The following IGF2BP3 variants were observed in gnomAD, a reference collection of about 807,000 sequenced individuals.
IGF2BP3 encodes the protein insulin like growth factor 2 mRNA binding protein 3.
In IGF2BP3, 9 loss-of-function variants were observed where a neutral mutation model predicts 73.8. The ratio of observed to expected loss-of-function variants is 0.12; its 90% CI spans 0.07 to 0.21. The LOEUF is 0.21. Ranked by LOEUF, IGF2BP3 falls within the 10% of genes least tolerant of loss-of-function variation. The pLI is 1.00. For missense variants in IGF2BP3, 542 were observed against 714.0 expected (o/e 0.76, Z 2.75); for synonymous variants, 258 against 256.7 (o/e 1.01, Z -0.05).
chr7:23,366,537 C>A (rs1394917498), intron 3 of IGF2BP3, among the ~76,000 whole-genome samples: 30 of 143,746 alleles, frequency 2.1e-4, no homozygotes, highest in African/African-American at 7.7e-4. Context: ...ACAAGCATGG[C>A]TTTAAAACAA....
rs771673444 is a variant in IGF2BP3 at position 23,319,131 on chromosome 7, A to C, written c.1320+7T>G. On this transcript the variant is annotated splice_region_variant and intron_variant, in intron 11 of 14. Coordinates refer to ENST00000258729, the MANE Select transcript of IGF2BP3 (RefSeq NM_006547.3). ...GAACCAGAGAACCACAGCTGGTAGA[A>C]CAGTACCTTAATTGAAGCTCCAGCA... is the stretch of plus-strand genomic sequence containing the variant. 1 of 1,577,650 alleles carries C rather than the reference A, an allele frequency of 6.3e-7. No individual in the cohort carries two copies. Among genetic ancestry groups the C allele is most frequent in the South Asian group, 1.1e-5 (1 of 89,430 alleles).
chr7:23,434,848 A>G (rs1423628349), intron 2 of IGF2BP3, among the ~76,000 whole-genome samples: 1 of 152,188 alleles, frequency 6.6e-6, no homozygotes, highest in African/African-American at 2.4e-5. Flanking sequence ...ACTTTCACTT[A>G]AGTGCAACAT....
At chr7:23,395,047 C>A (rs1786406190) in intron 3 of IGF2BP3, among the ~76,000 whole-genome samples, 1 of 152,106 alleles carries the variant, frequency 6.6e-6, no homozygotes, top group Non-Finnish European at 1.5e-5. Flanking sequence ...AGCATTAATC[C>A]ACCCTAATGA....
chr7:23,408,655 G>T (rs996250993), intron 3 of IGF2BP3, among the ~76,000 whole-genome samples: 2 of 152,070 alleles, frequency 1.3e-5, no homozygotes, highest in African/African-American at 4.8e-5. Flanking sequence ...GTTTATTCAA[G>T]GAGAGGAAAA....
intron 2 of IGF2BP3, among the ~76,000 whole-genome samples, chr7:23,456,383 C>T (rs1242321786): frequency 6.6e-6 from 1 of 152,122 alleles, no homozygotes; most frequent in African/African-American, 2.4e-5. Flanking sequence ...GAAGCTAATT[C>T]TTAATCAAAT....
rs572288301 is a variant in IGF2BP3, at chr7:23,358,253, C to G, written c.401+3281G>C. 2.6e-5 allele frequency among the ~76,000 whole-genome samples: 4 copies of G among 152,318 alleles called. No individual in the cohort carries two copies. The South Asian group carries it at 8.3e-4, about 32-fold the overall frequency. ...TGGGCTCTGGAATTGAACTCTTAAC[C>G]TCCAAGCTCACTCATACTTTCACAA... On this transcript the variant is annotated intron_variant, in intron 5 of 14. Coordinates refer to ENST00000258729, the MANE Select transcript of IGF2BP3 (RefSeq NM_006547.3).
At chr7:23,321,062 G>A (rs963577743) in intron 10 of IGF2BP3, among the ~76,000 whole-genome samples, 1 of 152,252 alleles carries the variant, frequency 6.6e-6, no homozygotes, top group African/African-American at 2.4e-5. Context: ...TTGTCGGGAG[G>A]GAGGAGCCAA....
intron 2 of IGF2BP3, among the ~76,000 whole-genome samples, chr7:23,459,557 G>C (rs1343614200): frequency 6.6e-6 from 1 of 152,130 alleles, no homozygotes; most frequent in Non-Finnish European, 1.5e-5. Context: ...TTGGGGCCAG[G>C]TGCGGTGACT....
At chr7:23,441,153 T>A (rs904259287) in intron 2 of IGF2BP3, among the ~76,000 whole-genome samples, 6 of 152,158 alleles carry the variant, frequency 3.9e-5, no homozygotes, top group Non-Finnish European at 8.8e-5. Context: ...ATAAATAGCA[T>A]CAAAACCACC....
At chr7:23,319,079 G>C (rs1784067530) in intron 11 of IGF2BP3, 59 bp downstream of exon 11, 1 of 1,054,372 alleles carries the variant, frequency 9.5e-7, no homozygotes, top group Non-Finnish European at 1.4e-6. Flanking sequence ...GTGGCAAGAA[G>C]ATTCATATTT....
At chr7:23,325,108 A>C (rs1784258862) in intron 10 of IGF2BP3, among the ~76,000 whole-genome samples, 1 of 152,090 alleles carries the variant, frequency 6.6e-6, no homozygotes, top group African/African-American at 2.4e-5. Flanking sequence ...AGGGTATTCA[A>C]TTAGGAAAAG....
At chr7:23,390,153 A>C (rs961467200) in intron 3 of IGF2BP3, among the ~76,000 whole-genome samples, 1 of 152,242 alleles carries the variant, frequency 6.6e-6, no homozygotes. Context: ...GGGGGAAAGT[A>C]TAAAGCAACA....
chr7:23,316,032 ATTTATCT>A (rs1308388471), intron 12 of IGF2BP3, among the ~76,000 whole-genome samples: 1 of 152,188 alleles, frequency 6.6e-6, no homozygotes, highest in East Asian at 1.9e-4. Flanking sequence ...ACATGTTTGT[ATTTATCT>A]TTTAAGATTT....
chr7:23,460,930 A>G (rs1005548353), intron 2 of IGF2BP3, among the ~76,000 whole-genome samples: 1 of 152,202 alleles, frequency 6.6e-6, no homozygotes, highest in Admixed American at 6.5e-5. Context: ...CAGCCTGTCA[A>G]CAGAGCAAGA....
Position 23,311,568 on chromosome 7 carries a change from A to T in IGF2BP3, c.*794T>A, listed in dbSNP as rs1783830722. The T allele has an allele frequency of 6.6e-6, 1 of 152,324 alleles. No homozygotes were observed. The highest frequency in any genetic ancestry group is 2.4e-5 in the African/African-American group (1 of 41,444). The allele number at this position is 152,324 out of a possible 1,614,324, so 9.4% of individuals were successfully genotyped here. A position where few individuals can be genotyped will look rare whatever the true frequency, so the allele number is the denominator to read the frequency against. ...TAGGCACTGCTCCGTATTTTTGAAC[A>T]TTTGATTTAACTAATAACTGTGTCA... On this transcript the variant is annotated 3_prime_UTR_variant, in exon 15 of 15. Transcript: ENST00000258729.
intron 3 of IGF2BP3, among the ~76,000 whole-genome samples, chr7:23,407,181 TAAAA>T (rs77237856): frequency 8.3e-6 from 1 of 121,178 alleles, no homozygotes; most frequent in Non-Finnish European, 1.8e-5. Flanking sequence ...ATGTAGTTAT[TAAAA>T]AAAAAAAAAA....
intron 9 of IGF2BP3, among the ~76,000 whole-genome samples, 190 bp downstream of exon 9, chr7:23,343,528 C>CTGT (rs1784760617): frequency 6.6e-6 from 1 of 152,166 alleles, no homozygotes; most frequent in Non-Finnish European, 1.5e-5. Context: ...GCTAAAGTCA[C>CTGT]AGAGACAGCA....
intron 2 of IGF2BP3, among the ~76,000 whole-genome samples, chr7:23,467,490 A>G (rs1221907975): frequency 6.6e-6 from 1 of 152,224 alleles, no homozygotes; most frequent in Admixed American, 6.5e-5. Flanking sequence ...TGCAAAATCC[A>G]GAAAGGCTTA....
chr7:23,326,720 T>C (rs1408345817), intron 10 of IGF2BP3, among the ~76,000 whole-genome samples: 1 of 139,760 alleles, frequency 7.2e-6, no homozygotes, highest in Non-Finnish European at 1.5e-5. Flanking sequence ...ATATACACCA[T>C]GGAATACTAT....
Sources: allele counts gnomAD v4.1 joint callset (sites outside exome capture counted in the v4.1 genomes callset), GRCh38; gene constraint gnomAD v4.1.1; transcripts MANE v1.5; gene names NCBI Gene and HGNC (gene_info 2026-07-23, HGNC 2026-07-21).